SHISA9: variants seen among roughly 807,000 people sequenced by gnomAD.
SHISA9 encodes protein shisa-9.
Under a neutral mutation model 38.0 loss-of-function variants are expected in SHISA9, and 13 were observed. That is an observed-to-expected ratio of 0.34 (90% CI 0.22 to 0.54). The LOEUF (loss-of-function observed/expected upper bound fraction) is 0.54. SHISA9 is among the 20% of genes least tolerant of loss of function. The pLI is 0.91. For missense variants in SHISA9, 538 were observed against 575.8 expected, an observed-to-expected ratio of 0.93 and a Z score of 0.67; for synonymous variants, 275 against 242.0, an observed-to-expected ratio of 1.14 and a Z score of -1.27.
chr16:13,159,726 C>T (rs2050579272), intron 2 of SHISA9, among the ~76,000 whole-genome samples: 1 of 152,242 alleles, frequency 6.6e-6, no homozygotes, highest in Non-Finnish European at 1.5e-5. Flanking sequence ...CACAGACTCA[C>T]AGATATGTTC....
chr16:12,932,001 G>C (rs1004542700), intron 2 of SHISA9, among the ~76,000 whole-genome samples: 3 of 152,126 alleles, frequency 2.0e-5, no homozygotes, highest in Non-Finnish European at 4.4e-5. Flanking sequence ...TCTTGTGACA[G>C]TGAATAAGTC....
At chr16:13,101,895 A>G (rs912869823) in intron 2 of SHISA9, among the ~76,000 whole-genome samples, 2 of 152,224 alleles carry the variant, frequency 1.3e-5, no homozygotes, top group Non-Finnish European at 2.9e-5. Flanking sequence ...TGGAGGAAAA[A>G]GGACTTCACA....
At chr16:13,066,061 C>T (rs1465057064) in intron 2 of SHISA9, among the ~76,000 whole-genome samples, 1 of 152,232 alleles carries the variant, frequency 6.6e-6, no homozygotes, top group Non-Finnish European at 1.5e-5. Context: ...GAAGCCCCCA[C>T]ATTTTTTCTC....
chr16:13,414,121 T>C, the SHISA9 span, among the ~76,000 whole-genome samples: 1 of 152,210 alleles, frequency 6.6e-6, no homozygotes, highest in African/African-American at 2.4e-5. Flanking sequence ...GAAATCACAC[T>C]TGGCCAACAA....
intron 2 of SHISA9, among the ~76,000 whole-genome samples, chr16:13,006,087 C>T (rs917303345): frequency 4.6e-5 from 7 of 152,216 alleles, no homozygotes; most frequent in Non-Finnish European, 4.4e-5. Context: ...CGCGCACACT[C>T]TGAGAGACTG....
At chr16:13,288,027 G>A in the SHISA9 span, among the ~76,000 whole-genome samples, 1 of 152,218 alleles carries the variant, frequency 6.6e-6, no homozygotes, top group African/African-American at 2.4e-5. Flanking sequence ...GACTTCTGAG[G>A]GAACTATTCC....
the SHISA9 span, among the ~76,000 whole-genome samples, chr16:13,434,417 A>ATTTTTTTTTTTTTTTTTT: frequency 4.3e-4 from 18 of 41,794 alleles, no homozygotes; most frequent in South Asian, 2.3e-3. Context: ...TAGACAAGCT[A>ATTTTTTTTTTTTTTTTTT]TGTTTTTTTT....
At chr16:12,925,447 A>ATGTGTGTGTGTGTGTG (rs1555500777) in intron 2 of SHISA9, among the ~76,000 whole-genome samples, 1 of 66,204 alleles carries the variant, frequency 1.5e-5, no homozygotes. Context: ...GTGTGTGTGT[A>ATGTGTGTGTGTGTGTG]TGTGTGTGTG....
At chr16:13,375,230 T>A in the SHISA9 span, among the ~76,000 whole-genome samples, 1 of 152,212 alleles carries the variant, frequency 6.6e-6, no homozygotes. Context: ...GGTGTTTCAG[T>A]CATGAAGTCC....
the SHISA9 span, among the ~76,000 whole-genome samples, chr16:13,376,814 A>T: frequency 2.6e-5 from 4 of 151,988 alleles, no homozygotes. Context: ...CAGCCTCCTG[A>T]GTAGCTGAGA....
At chr16:13,308,225 T>TTTA in the SHISA9 span, among the ~76,000 whole-genome samples, 1 of 151,476 alleles carries the variant, frequency 6.6e-6, no homozygotes, top group African/African-American at 2.4e-5. Context: ...TTTTTTTTTT[T>TTTA]ATGTTCATCA....
chr16:13,213,746 G>A (rs2051142129), intron 4 of SHISA9, among the ~76,000 whole-genome samples: 1 of 152,146 alleles, frequency 6.6e-6, no homozygotes, highest in South Asian at 2.1e-4. Context: ...AGAACAGAAT[G>A]CTATTTTCAA....
chr16:12,929,804 G>A (rs1422270188), intron 2 of SHISA9, among the ~76,000 whole-genome samples: 6 of 152,038 alleles, frequency 3.9e-5, no homozygotes, highest in African/African-American at 1.4e-4. Context: ...AATAAAAGTT[G>A]AAGGGAAAAA....
chr16:13,510,884 C>T, the SHISA9 span, among the ~76,000 whole-genome samples: 2 of 152,078 alleles, frequency 1.3e-5, no homozygotes, highest in African/African-American at 2.4e-5. Context: ...TTGGGAACCA[C>T]TGTAGTAGAA....
At chr16:13,027,335 A>G (rs896087972) in intron 2 of SHISA9, among the ~76,000 whole-genome samples, 2 of 152,188 alleles carry the variant, frequency 1.3e-5, no homozygotes, top group Non-Finnish European at 2.9e-5. Flanking sequence ...ATTTCCAGGA[A>G]TCTAGCTAGT....
intron 2 of SHISA9, among the ~76,000 whole-genome samples, chr16:12,936,126 C>T (rs1364105942): frequency 6.6e-6 from 1 of 152,138 alleles, no homozygotes; most frequent in African/African-American, 2.4e-5. Flanking sequence ...TGTCCCTTCG[C>T]TAGCAGGTGC....
At chr16:13,368,909 T>C in the SHISA9 span, among the ~76,000 whole-genome samples, 1 of 152,188 alleles carries the variant, frequency 6.6e-6, no homozygotes, top group Non-Finnish European at 1.5e-5. Flanking sequence ...TGGTATATCA[T>C]AAAATGTTTT....
At chr16:13,049,183 TG>T (rs1567195022) in intron 2 of SHISA9, among the ~76,000 whole-genome samples, 5 of 151,634 alleles carry the variant, frequency 3.3e-5, no homozygotes, top group African/African-American at 1.2e-4. Context: ...TGTGTGTGTG[TG>T]TGTGTGTGTG....
intron 2 of SHISA9, among the ~76,000 whole-genome samples, chr16:12,962,081 G>A (rs1006866167): frequency 3.3e-5 from 5 of 152,252 alleles, no homozygotes; most frequent in Admixed American, 6.5e-5. Context: ...TGCTTGGCCC[G>A]TCTTGCCTGC....
Sources: allele counts gnomAD v4.1 joint callset (sites outside exome capture counted in the v4.1 genomes callset), GRCh38; gene constraint gnomAD v4.1.1; transcripts MANE v1.5; gene names NCBI Gene and HGNC (gene_info 2026-07-23, HGNC 2026-07-21).